The following CSGALNACT1 variants were observed in gnomAD, a reference collection of about 807,000 sequenced individuals.
CSGALNACT1 encodes chondroitin sulfate N-acetylgalactosaminyltransferase 1, also known as beta4GalNAcT-1.
Under a neutral mutation model 51.0 loss-of-function variants are expected in CSGALNACT1, and 52 were observed. That is an observed-to-expected ratio of 1.02 (90% confidence interval 0.82 to 1.29). CSGALNACT1 has a LOEUF of 1.29. Among genes scored for constraint, CSGALNACT1 ranks in the 50% most tolerant of loss-of-function variants. The pLI is 0.00. For synonymous variants in CSGALNACT1, 341 were observed against 254.4 expected (o/e 1.34, Z -3.24); for missense variants, 935 against 679.2 (o/e 1.38, Z -4.19).
chr8:19,719,623 C>T (rs2063004096), intron 1 of CSGALNACT1, among the ~76,000 whole-genome samples: 1 of 152,184 alleles, frequency 6.6e-6, no homozygotes, highest in South Asian at 2.1e-4. Context: ...TGTGTTGTTT[C>T]TTACTGGGAT....
intron 1 of CSGALNACT1, among the ~76,000 whole-genome samples, chr8:19,722,813 G>C: frequency 6.6e-6 from 1 of 152,096 alleles, no homozygotes; most frequent in Non-Finnish European, 1.5e-5. Flanking sequence ...AACATGTTGG[G>C]GACCAGTATA....
intron 3 of CSGALNACT1, among the ~76,000 whole-genome samples, chr8:19,506,891 T>C (rs1264903678): frequency 6.6e-6 from 1 of 152,196 alleles, no homozygotes; most frequent in Non-Finnish European, 1.5e-5. Flanking sequence ...TCTTTTCTTT[T>C]TAAGTTACGC....
At chr8:19,723,100 C>A (rs1055491277) in intron 1 of CSGALNACT1, among the ~76,000 whole-genome samples, 5 of 152,290 alleles carry the variant, frequency 3.3e-5, no homozygotes, top group South Asian at 2.1e-4. Flanking sequence ...AATTTATTTT[C>A]TCAGATTACC....
chr8:19,606,852 A>G (rs1353127689), upstream of CSGALNACT1, among the ~76,000 whole-genome samples: 2 of 152,146 alleles, frequency 1.3e-5, no homozygotes, highest in African/African-American at 2.4e-5. Context: ...TTTTCCTTAT[A>G]CTTTAAAGAT....
At chr8:19,645,469 T>G (rs1240488705) in intron 1 of CSGALNACT1, among the ~76,000 whole-genome samples, 1 of 152,226 alleles carries the variant, frequency 6.6e-6, no homozygotes, top group African/African-American at 2.4e-5. Context: ...AGAATCCCAG[T>G]GCAGCCACTT....
At chr8:19,449,357 G>A (rs2062681608) in intron 5 of CSGALNACT1, among the ~76,000 whole-genome samples, 1 of 152,148 alleles carries the variant, frequency 6.6e-6, no homozygotes, top group African/African-American at 2.4e-5. Context: ...CTATGGGAGA[G>A]GTAGAGGGGC....
chr8:19,426,687 T>C (rs556754633), intron 6 of CSGALNACT1, among the ~76,000 whole-genome samples: 2 of 152,332 alleles, frequency 1.3e-5, no homozygotes, highest in Admixed American at 1.3e-4. Flanking sequence ...ATAAATCTGG[T>C]GCACGGAGAC....
At chr8:19,514,830 C>G (rs947050901) in intron 3 of CSGALNACT1, among the ~76,000 whole-genome samples, 1 of 151,598 alleles carries the variant, frequency 6.6e-6, no homozygotes, top group African/African-American at 2.4e-5. Context: ...GAAACTCCGT[C>G]TCCAAAAGAA....
At chr8:19,600,254 A>G (rs543603437) in intron 2 of CSGALNACT1, among the ~76,000 whole-genome samples, 51 of 152,126 alleles carry the variant, frequency 3.4e-4, no homozygotes, top group Non-Finnish European at 6.5e-4. Context: ...GCTAATTTTT[A>G]TATTTACAGT....
rs190921178 is a variant in CSGALNACT1, at chr8:19,554,272, T to A, written c.-297+36888A>T. Among the ~76,000 whole-genome samples, 3 of 152,282 alleles carry A rather than the reference T, an allele frequency of 2.0e-5. No homozygotes were observed. In the East Asian group the frequency reaches 5.8e-4, roughly 29 times the overall value. On this transcript the variant is annotated intron_variant, in intron 3 of 9. Transcript: ENST00000454498. ...AGCAACACTGCACATCAAAAGTCAA[T>A]GGAGCAATGTCTTCAAAGCTCTGAA...
intron 1 of CSGALNACT1, among the ~76,000 whole-genome samples, chr8:19,671,361 A>C (rs1470813193): frequency 1.3e-5 from 2 of 152,162 alleles, no homozygotes; most frequent in Admixed American, 1.3e-4. Flanking sequence ...TACACGACAA[A>C]TTCACAGGCA....
chr8:19,542,893 A>G (rs1264161565), intron 3 of CSGALNACT1, among the ~76,000 whole-genome samples: 1 of 152,124 alleles, frequency 6.6e-6, no homozygotes, highest in Admixed American at 6.6e-5. Context: ...GTAGATTCCA[A>G]TTGTTTCCTG....
intron 6 of CSGALNACT1, among the ~76,000 whole-genome samples, chr8:19,426,361 TAAG>T (rs2058772884): frequency 6.6e-6 from 1 of 152,228 alleles, no homozygotes; most frequent in South Asian, 2.1e-4. Flanking sequence ...CCCAAGCTTT[TAAG>T]AAGATGAAAA....
chr8:19,501,355 G>A (rs1462865625), intron 4 of CSGALNACT1, among the ~76,000 whole-genome samples: 1 of 151,894 alleles, frequency 6.6e-6, no homozygotes, highest in Non-Finnish European at 1.5e-5. Flanking sequence ...GAGCCCTCAT[G>A]GCCTAATAAT....
chr8:19,493,734 T>C (rs2153969169), intron 4 of CSGALNACT1, among the ~76,000 whole-genome samples: 1 of 152,360 alleles, frequency 6.6e-6, no homozygotes. Flanking sequence ...TGTTTATTGA[T>C]CCATCCACTG....
At chr8:19,676,051 A>C (rs1197370044) in intron 1 of CSGALNACT1, among the ~76,000 whole-genome samples, 2 of 148,056 alleles carry the variant, frequency 1.4e-5, no homozygotes, top group East Asian at 4.2e-4. Context: ...TTGCAGCCTG[A>C]ACCTAACCAC....
At position 19,506,135 on chromosome 8, in the gene CSGALNACT1, G is replaced by T; in HGVS notation, c.-296-5C>A. On this transcript the variant is annotated splice_region_variant and splice_polypyrimidine_tract_variant and intron_variant, in intron 3 of 9. Coordinates refer to ENST00000454498, the Ensembl canonical transcript of CSGALNACT1. The stretch of plus-strand genomic sequence containing the variant: ...CAGCCAACAGCAAGAGGGGACCTGG[G>T]AAGAAACACAAATGACATCAACACT... The T allele has an allele frequency of 1.7e-6, 1 of 589,228 alleles. No individual in the cohort carries two copies. The highest frequency in any genetic ancestry group is 3.2e-6 in the Non-Finnish European group (1 of 314,534). The allele number at this position is 589,228 out of a possible 1,614,324, so 36.5% of individuals were successfully genotyped here.
chr8:19,586,418 AAAAAAG>A (rs2046661041), intron 3 of CSGALNACT1, among the ~76,000 whole-genome samples: 1 of 151,958 alleles, frequency 6.6e-6, no homozygotes, highest in African/African-American at 2.4e-5. Flanking sequence ...AAAAAAAAAA[AAAAAAG>A]AAGAAGAAGA....
intron 2 of CSGALNACT1, among the ~76,000 whole-genome samples, chr8:19,593,686 C>G (rs1564187020): frequency 2.0e-5 from 3 of 152,194 alleles, no homozygotes; most frequent in African/African-American, 7.2e-5. Flanking sequence ...GAGCTGAAGA[C>G]TCAGTACAGA....
Sources: gnomAD v4.1 joint callset for allele counts (sites outside exome capture counted in the v4.1 genomes callset) on GRCh38, gnomAD v4.1.1 for gene constraint, MANE v1.5 for transcripts, NCBI Gene and HGNC (gene_info 2026-07-23, HGNC 2026-07-21) for gene names.